Variants in DGKB observed in about 807,000 individuals in gnomAD.
DGKB encodes the protein diacylglycerol kinase beta, also known as 90 kDa diacylglycerol kinase.
Under a neutral mutation model 114.3 loss-of-function variants are expected in DGKB, and 67 were observed. That is an observed-to-expected ratio of 0.59 (90% CI 0.48 to 0.72). DGKB has a LOEUF of 0.72. DGKB is among the 30% of genes least tolerant of loss of function. The pLI is 0.00. For missense variants in DGKB, 907 were observed against 975.2 expected (o/e 0.93, Z 0.93); for synonymous variants, 398 against 323.1 (o/e 1.23, Z -2.49).
intron 19 of DGKB, 54 bp downstream of exon 19, chr7:14,580,808 A>C: frequency 1.6e-6 from 2 of 1,236,112 alleles, no homozygotes; most frequent in Admixed American, 4.4e-5. Flanking sequence ...TTTGTTTTGC[A>C]AGGGAAAGGG....
chr7:14,343,157 C>CCACACA (rs3067654), intron 22 of DGKB, among the ~76,000 whole-genome samples: 35,748 of 132,696 alleles, frequency 0.27, 5,149 homozygotes, highest in Non-Finnish European at 0.32. Flanking sequence ...GCCTAGCTAT[C>CCACACA]CACACACACA....
At chr7:14,819,787 C>A (rs1443937888) in intron 2 of DGKB, among the ~76,000 whole-genome samples, 3 of 151,926 alleles carry the variant, frequency 2.0e-5, no homozygotes, top group South Asian at 4.2e-4. Context: ...TTCTTAATAT[C>A]TATACCATAT....
chr7:14,295,737 G>A (rs758696145), intron 23 of DGKB, among the ~76,000 whole-genome samples: 8 of 151,912 alleles, frequency 5.3e-5, no homozygotes, highest in African/African-American at 1.5e-4. Flanking sequence ...CTAAGTTCTC[G>A]GATACATGTG....
intron 1 of DGKB, among the ~76,000 whole-genome samples, chr7:14,876,620 T>C (rs1180552260): frequency 1.3e-5 from 2 of 152,220 alleles, no homozygotes; most frequent in East Asian, 1.9e-4. Flanking sequence ...GTAAGTTTTA[T>C]ATTGTTGTTT....
At chr7:14,288,458 A>G (rs1443518072) in intron 23 of DGKB, among the ~76,000 whole-genome samples, 2 of 152,042 alleles carry the variant, frequency 1.3e-5, no homozygotes, top group African/African-American at 4.8e-5. Context: ...GATTGCAAAG[A>G]TATATTTCTA....
intron 23 of DGKB, among the ~76,000 whole-genome samples, chr7:14,283,895 TA>T (rs1379359559): frequency 2.6e-5 from 4 of 152,016 alleles, no homozygotes; most frequent in Admixed American, 2.6e-4. Flanking sequence ...ACGTTAGACC[TA>T]AAACCATAAA....
At chr7:14,259,313 T>TTAAG (rs1364281381) in intron 23 of DGKB, among the ~76,000 whole-genome samples, 1 of 113,312 alleles carries the variant, frequency 8.8e-6, no homozygotes, top group Non-Finnish European at 1.7e-5. Flanking sequence ...ACAAGGTCTA[T>TTAAG]TAAGTTAACC....
intron 19 of DGKB, among the ~76,000 whole-genome samples, chr7:14,577,674 C>A (rs1293107983): frequency 6.6e-6 from 1 of 151,860 alleles, no homozygotes; most frequent in East Asian, 1.9e-4. Context: ...TCTACACAAA[C>A]AAGATTTTCC....
chr7:14,565,894 A>G (rs1401863770), intron 20 of DGKB, among the ~76,000 whole-genome samples: 2 of 152,116 alleles, frequency 1.3e-5, no homozygotes, highest in Non-Finnish European at 2.9e-5. Context: ...AGCTTCCTTT[A>G]AGTGAGCAGC....
intron 23 of DGKB, among the ~76,000 whole-genome samples, chr7:14,192,707 T>C (rs1784476594): frequency 6.6e-6 from 1 of 152,166 alleles, no homozygotes; most frequent in Admixed American, 6.5e-5. Context: ...TTACATTTAT[T>C]GTGCACTTTA....
At chr7:14,344,692 T>G (rs2128590641) in intron 22 of DGKB, among the ~76,000 whole-genome samples, 1 of 148,178 alleles carries the variant, frequency 6.7e-6, no homozygotes, top group South Asian at 2.1e-4. Context: ...TCTCCAAAAT[T>G]TTGAGTCCTA....
rs1186233658 is a variant in DGKB, at chr7:14,736,183, A to C, written c.180T>G (p.Phe60Leu). Reference sequence around the variant, plus strand: ...TCTTCATGAATAGTTTGAAACCTTCAAAATCTATTGTCTGGAAAAAAAAAA... The same window carrying C: ...TCTTCATGAATAGTTTGAAACCTTCCAAATCTATTGTCTGGAAAAAAAAAA... ...KQDILNQTID[F>L]EGFKLFMKTF... Residue 60 changes from phenylalanine (F) to leucine (L), a missense_variant, in exon 5 of 26, where the codon TTT (phenylalanine) becomes TTG (leucine). Around this residue, in one of 3 missense-constraint regions of DGKB, gnomAD observed 814 missense variants for 856.6 expected, o/e 0.95. Coordinates refer to ENST00000402815, the MANE Select transcript of DGKB (RefSeq NM_001350709.2). The C allele has an allele frequency of 1.3e-6, 2 of 1,546,542 alleles. No individual in the cohort carries two copies. Among genetic ancestry groups the C allele is most frequent in the African/African-American group, 2.8e-5 (2 of 71,090 alleles).
At chr7:14,708,763 C>T (rs868119144) in intron 6 of DGKB, among the ~76,000 whole-genome samples, 2,014 of 147,334 alleles carry the variant, frequency 0.014, 55 homozygotes, top group African/African-American at 0.048. Flanking sequence ...GCTAGCCATA[C>T]GTAGAAAGCT....
chr7:14,855,608 C>A (rs1042504070), intron 1 of DGKB, among the ~76,000 whole-genome samples: 4 of 152,068 alleles, frequency 2.6e-5, no homozygotes, highest in Non-Finnish European at 5.9e-5. Context: ...AGCATTTTGC[C>A]TTCCTAGGTT....
chr7:14,383,722 A>G (rs1171196633), intron 21 of DGKB, among the ~76,000 whole-genome samples: 1 of 152,226 alleles, frequency 6.6e-6, no homozygotes, highest in African/African-American at 2.4e-5. Context: ...GGTCTCACAC[A>G]ATATTTTTGC....
intron 20 of DGKB, among the ~76,000 whole-genome samples, chr7:14,495,362 T>A (rs949576314): frequency 6.6e-6 from 1 of 151,818 alleles, no homozygotes; most frequent in Non-Finnish European, 1.5e-5. Flanking sequence ...TTTTAGAAAT[T>A]ACCAGACTAT....
chr7:14,735,987 T>C, intron 5 of DGKB, 54 bp downstream of exon 5: 1 of 1,099,668 alleles, frequency 9.1e-7, no homozygotes, highest in Non-Finnish European at 1.2e-6. Flanking sequence ...AACTAGATAT[T>C]TATTTAGCCT....
intron 23 of DGKB, among the ~76,000 whole-genome samples, chr7:14,190,446 T>C (rs1207854182): frequency 6.6e-6 from 1 of 152,010 alleles, no homozygotes; most frequent in Admixed American, 6.6e-5. Context: ...AAGATTTCTA[T>C]GAAACAATCC....
intron 22 of DGKB, among the ~76,000 whole-genome samples, chr7:14,340,690 C>T (rs867253076): frequency 2.6e-5 from 4 of 151,510 alleles, no homozygotes; most frequent in Admixed American, 6.6e-5. Context: ...AAGTATTACA[C>T]GAAAAAGATG....
Sources: allele counts gnomAD v4.1 joint callset (sites outside exome capture counted in the v4.1 genomes callset), GRCh38; gene constraint gnomAD v4.1.1; regional missense constraint gnomAD v4.1.1; transcripts MANE v1.5; gene names NCBI Gene and HGNC (gene_info 2026-07-23, HGNC 2026-07-21).